The following RANBP9 variants were observed in gnomAD, a reference collection of about 807,000 sequenced individuals.
The protein encoded by RANBP9 is RAN binding protein 9, also known as ran-binding protein 9.
A neutral mutation model predicts 84.3 loss-of-function variants in RANBP9; 15 were observed. The ratio of observed to expected loss-of-function variants is 0.18; its 90% CI spans 0.12 to 0.27. RANBP9 has a LOEUF of 0.27. Among genes scored for constraint, RANBP9 ranks in the 10% least tolerant of loss-of-function variants. The probability of loss-of-function intolerance (pLI) is 1.00; values close to 1 mark genes in which losing one functional copy is unlikely to be tolerated. For synonymous variants in RANBP9, 392 were observed against 349.6 expected, an observed-to-expected ratio of 1.12 and a Z score of -1.35; for missense variants, 809 against 912.8, an observed-to-expected ratio of 0.89 and a Z score of 1.46.
chr6:13,675,574 G>C (rs1169454000), intron 2 of RANBP9, among the ~76,000 whole-genome samples: 1 of 151,362 alleles, frequency 6.6e-6, no homozygotes, highest in African/African-American at 2.4e-5. Context: ...TAGGAAACTG[G>C]AGCAATAAAT....
rs186985620 is a variant in RANBP9, at chr6:13,680,898, C to T, written c.683+15887G>A. On this transcript the variant is annotated intron_variant, in intron 2 of 13. Coordinates refer to ENST00000011619, the MANE Select transcript of RANBP9 (RefSeq NM_005493.3). Reference sequence around the variant, plus strand: ...AAAGAATATTGTTCCCATGAGCTCACTTGTAGAATGTGAGCTTCAGATAAC... The same window carrying T: ...AAAGAATATTGTTCCCATGAGCTCATTTGTAGAATGTGAGCTTCAGATAAC... Among the ~76,000 whole-genome samples, 46 of 152,248 alleles carry T rather than the reference C, an allele frequency of 3.0e-4. 1 individual carries two copies. Among genetic ancestry groups the T allele is most frequent in the Non-Finnish European group, 5.9e-5 (4 of 68,012 alleles).
At chr6:13,623,878 T>C (rs1439301112) in intron 13 of RANBP9, among the ~76,000 whole-genome samples, 3 of 152,180 alleles carry the variant, frequency 2.0e-5, no homozygotes, top group Non-Finnish European at 4.4e-5. Context: ...CTATAGATAA[T>C]GGTGCTCAAC....
intron 2 of RANBP9, among the ~76,000 whole-genome samples, chr6:13,694,450 A>C (rs1766395719): frequency 6.6e-6 from 1 of 152,254 alleles, no homozygotes; most frequent in Admixed American, 6.5e-5. Flanking sequence ...TGAAATGGAC[A>C]AACTATAGAG....
At chr6:13,702,508 G>A (rs1758000266) in intron 1 of RANBP9, among the ~76,000 whole-genome samples, 1 of 152,092 alleles carries the variant, frequency 6.6e-6, no homozygotes, top group Non-Finnish European at 1.5e-5. Context: ...ATATAATATA[G>A]TATTTTCATT....
At chr6:13,639,844 TTGATTTA>T (rs1765023141) in intron 8 of RANBP9, 91 bp from the exon 9 acceptor site, 1 of 1,125,650 alleles carries the variant, frequency 8.9e-7, no homozygotes, top group Admixed American at 2.6e-5. Flanking sequence ...TTTTAAAACT[TTGATTTA>T]TCAGTAGGAT....
intron 11 of RANBP9, 78 bp downstream of exon 11, chr6:13,634,353 C>G: frequency 1.3e-6 from 2 of 1,504,264 alleles, no homozygotes; most frequent in South Asian, 2.4e-5. Flanking sequence ...TGCTCATCAG[C>G]TGTGAATCAG....
At chr6:13,629,887 ATGTCTC>A (rs1207538171) in intron 12 of RANBP9, among the ~76,000 whole-genome samples, 40 of 141,590 alleles carry the variant, frequency 2.8e-4, no homozygotes, top group Non-Finnish European at 4.4e-4. Context: ...TCTCTCTCTC[ATGTCTC>A]TGTCTCTCTC....
intron 1 of RANBP9, among the ~76,000 whole-genome samples, chr6:13,701,748 C>T (rs529670452): frequency 1.5e-4 from 22 of 150,330 alleles, no homozygotes; most frequent in Admixed American, 4.0e-4. Flanking sequence ...CCAGCCTGGG[C>T]GACAAGAGCA....
chr6:13,656,936 G>A (rs1765413130), intron 4 of RANBP9, among the ~76,000 whole-genome samples, 173 bp downstream of exon 4: 2 of 151,946 alleles, frequency 1.3e-5, no homozygotes, highest in Non-Finnish European at 2.9e-5. Flanking sequence ...AATATAAATA[G>A]GGTGAATATA....
intron 1 of RANBP9, among the ~76,000 whole-genome samples, chr6:13,697,748 T>G (rs553061339): frequency 4.6e-5 from 7 of 152,112 alleles, no homozygotes; most frequent in African/African-American, 1.7e-4. Context: ...AAGAAAGAAG[T>G]TGAAGTAGCA....
At chr6:13,689,946 T>C (rs1766284605) in intron 2 of RANBP9, among the ~76,000 whole-genome samples, 2 of 152,308 alleles carry the variant, frequency 1.3e-5, no homozygotes, top group East Asian at 1.9e-4. Flanking sequence ...CAAAGGACTA[T>C]GTATGTAGTC....
intron 2 of RANBP9, among the ~76,000 whole-genome samples, chr6:13,673,631 T>C (rs572783318): frequency 6.6e-6 from 1 of 152,316 alleles, no homozygotes. Flanking sequence ...GTTGGTTATA[T>C]TCTGTTATAA....
intron 3 of RANBP9, among the ~76,000 whole-genome samples, chr6:13,658,150 A>G (rs1225170867): frequency 1.3e-5 from 2 of 152,192 alleles, no homozygotes; most frequent in Non-Finnish European, 2.9e-5. Context: ...AAGATGGGTT[A>G]AAAGTCAAAA....
chr6:13,642,375 A>G (rs1331406110), intron 7 of RANBP9, 104 bp downstream of exon 7: 2 of 460,658 alleles, frequency 4.3e-6, no homozygotes, highest in Non-Finnish European at 7.0e-6. Flanking sequence ...TTAAATTAAT[A>G]TATTTGAAAT....
At chr6:13,672,858 AAC>A (rs1765805540) in intron 2 of RANBP9, among the ~76,000 whole-genome samples, 3 of 152,314 alleles carry the variant, frequency 2.0e-5, no homozygotes, top group African/African-American at 7.2e-5. Context: ...GACTAAAAAA[AAC>A]AACAATCAGT....
chr6:13,642,370 TTAATA>T lies in RANBP9; in HGVS notation c.1225+104_1225+108del, dbSNP rs1389350664. ...AAAATTCAGAGGCATCCATTTTAAATTAATATATTTGAAATTTTTTTAATTAAAAA... is the reference window on the plus strand; with the variant it reads ...AAAATTCAGAGGCATCCATTTTAAATTATTTGAAATTTTTTTAATTAAAAA... On this transcript the variant is annotated intron_variant, in intron 7 of 13. Coordinates refer to ENST00000011619, the MANE Select transcript of RANBP9 (RefSeq NM_005493.3). The T allele has an allele frequency of 6.3e-5, 28 of 444,448 alleles. No individual in the cohort carries two copies. The East Asian group carries it at 8.6e-4, about 14-fold the overall frequency. 27.5% of individuals were successfully genotyped at this position (444,448 alleles called of 1,614,324 possible).
Position 13,698,600 on chromosome 6 carries a change from C to A in RANBP9, c.572-1704G>T, listed in dbSNP as rs1016987269. On this transcript the variant is annotated intron_variant, in intron 1 of 13. Coordinates refer to ENST00000011619, the MANE Select transcript of RANBP9 (RefSeq NM_005493.3). The stretch of plus-strand genomic sequence containing the variant: ...GATTTTTTAAGGGGAGTGACCCAAA[C>A]TTTTAGTGATAAAGTAATCCCAAAG... Among the ~76,000 whole-genome samples the A allele has an allele frequency of 2.0e-5, 3 of 152,150 alleles. No homozygotes were observed. In the South Asian group the frequency reaches 6.2e-4, roughly 32 times the overall value.
chr6:13,711,297 T>G lies in RANBP9; in HGVS notation c.209A>C (p.His70Pro), dbSNP rs940959625. 2 of 1,013,976 alleles carry G rather than the reference T, an allele frequency of 2.0e-6. No homozygotes were observed. The highest frequency in any genetic ancestry group is 1.9e-5 in the African/African-American group (1 of 53,338). 62.8% of individuals were successfully genotyped at this position (1,013,976 alleles called of 1,614,324 possible). A position where few individuals can be genotyped will look rare whatever the true frequency, so the allele number is the denominator to read the frequency against. Residue 70 changes from histidine (H) to proline (P), a missense_variant, in exon 1 of 14, where the codon CAC becomes CCC. Physicochemically the swap from His to Pro is moderately conservative, Grantham distance 77. This residue lies in a region of RANBP9 where 302 missense variants were observed against 240.1 expected (regional missense o/e 1.26). Transcript: ENST00000011619. ...LGAAAAALLL[H>P]PPPPPPPATA... ...GGCCGGGGGCGGCGGCGGCGGAGGG[T>G]GGAGGAGCAGGGCGGCCGCCGCGGC...
intron 12 of RANBP9, among the ~76,000 whole-genome samples, chr6:13,627,604 T>C (rs976395781): frequency 4.0e-5 from 5 of 124,504 alleles, no homozygotes; most frequent in Non-Finnish European, 7.8e-5. Context: ...CACTCCAGCA[T>C]GGACGACAGA....
Sources: gnomAD v4.1 joint callset for allele counts (sites outside exome capture counted in the v4.1 genomes callset) on GRCh38, gnomAD v4.1.1 for gene constraint, gnomAD v4.1.1 regional missense constraint, MANE v1.5 for transcripts, NCBI Gene and HGNC (gene_info 2026-07-23, HGNC 2026-07-21) for gene names.